Variants in RIC1 observed in about 807,000 individuals in gnomAD.
The protein encoded by RIC1 is RIC1 partner of RAB6A GEF complex.
In RIC1, 88 loss-of-function variants were observed where a neutral mutation model predicts 169.0. That is an observed-to-expected ratio of 0.52 (90% confidence interval 0.44 to 0.62). The LOEUF (loss-of-function observed/expected upper bound fraction) is 0.62, where lower values mean the gene tolerates loss of function less well. Ranked by LOEUF, RIC1 falls within the 20% of genes least tolerant of loss-of-function variation. RIC1 has a pLI of 0.00. For missense variants in RIC1, 1,877 were observed against 1,725.5 expected, an observed-to-expected ratio of 1.09 and a Z score of -1.56; for synonymous variants, 790 against 601.5, an observed-to-expected ratio of 1.31 and a Z score of -4.59.
At chr9:5,636,892 T>C (rs1472184405) in intron 1 of RIC1, among the ~76,000 whole-genome samples, 1 of 152,228 alleles carries the variant, frequency 6.6e-6, no homozygotes, top group East Asian at 1.9e-4. Flanking sequence ...GAAACTATCT[T>C]AATTTGTATT....
intron 1 of RIC1, among the ~76,000 whole-genome samples, chr9:5,646,849 G>T (rs1229594305): frequency 6.6e-6 from 1 of 151,958 alleles, no homozygotes; most frequent in Non-Finnish European, 1.5e-5. Flanking sequence ...TTTGTTGCCT[G>T]TGCTTTCAGT....
At chr9:5,748,319 T>C (rs1825512482) in intron 12 of RIC1, among the ~76,000 whole-genome samples, 1 of 152,188 alleles carries the variant, frequency 6.6e-6, no homozygotes, top group Admixed American at 6.5e-5. Context: ...TTTACCCTAC[T>C]AGCCTACTTC....
At position 5,678,866 on chromosome 9, in the gene RIC1, A is replaced by G. The variant is rs1386375333; in HGVS notation, c.253-11093A>G. Among the ~76,000 whole-genome samples the G allele has an allele frequency of 5.9e-5, 9 of 151,824 alleles. No homozygotes were observed. The East Asian group carries it at 1.5e-3, about 26-fold the overall frequency. On this transcript the variant is annotated intron_variant, in intron 2 of 25. Coordinates refer to ENST00000414202, the MANE Select transcript of RIC1 (RefSeq NM_020829.4). ...TAGTTGAATTAGATCCCATTTGTCA[A>G]TTTTGGCTTTTGTTGCCATTGCTTT...
intron 6 of RIC1, among the ~76,000 whole-genome samples, chr9:5,729,188 T>C (rs1824201279): frequency 1.3e-5 from 2 of 152,168 alleles, no homozygotes; most frequent in African/African-American, 2.4e-5. Context: ...CTATCCCTGT[T>C]TTCAGTGTGG....
chr9:5,750,885 A>G (rs1825683660), intron 12 of RIC1, among the ~76,000 whole-genome samples: 1 of 151,850 alleles, frequency 6.6e-6, no homozygotes. Context: ...TACTGGAGAA[A>G]ATACATAGTA....
At chr9:5,675,270 G>A (rs1362687856) in intron 2 of RIC1, among the ~76,000 whole-genome samples, 3 of 152,152 alleles carry the variant, frequency 2.0e-5, no homozygotes, top group Admixed American at 2.0e-4. Flanking sequence ...TCAGGGTGGA[G>A]AATGAGCAGG....
chr9:5,644,116 G>A (rs1226995300), intron 1 of RIC1, among the ~76,000 whole-genome samples: 6 of 152,154 alleles, frequency 3.9e-5, no homozygotes, highest in African/African-American at 1.4e-4. Context: ...ACATCTAAGT[G>A]TACATTGATT....
intron 2 of RIC1, among the ~76,000 whole-genome samples, chr9:5,663,888 C>T (rs946592428): frequency 6.6e-6 from 1 of 152,090 alleles, no homozygotes; most frequent in African/African-American, 2.4e-5. Context: ...TATGTGGTTC[C>T]TTCATAGTGT....
Position 5,720,702 on chromosome 9 carries a change from T to C in RIC1, c.672T>C (p.Asp224=), listed in dbSNP as rs145320271. 63 of 1,612,456 alleles carry C rather than the reference T, an allele frequency of 3.9e-5. No homozygotes were observed. The African/African-American group carries it at 7.6e-4, about 19-fold the overall frequency. The change falls in exon 6 of 26, where the codon GAT becomes GAC. Residue 224 remains aspartate (D), a synonymous_variant. Transcript: ENST00000414202. ...ATGGGTTTGCTGTTGTATTTAATGATGGTAAAGTTGGATTTATTACACCAG... is the reference window on the plus strand; with the variant it reads ...ATGGGTTTGCTGTTGTATTTAATGACGGTAAAGTTGGATTTATTACACCAG... ...TLDGFAVVFN[D]GKVGFITPVS... is the part of the protein sequence containing the mutation.
intron 2 of RIC1, among the ~76,000 whole-genome samples, chr9:5,665,608 T>C (rs987686715): frequency 2.0e-5 from 3 of 152,202 alleles, no homozygotes; most frequent in African/African-American, 7.2e-5. Flanking sequence ...GTTGCTGACC[T>C]TTGAATGGGG....
chr9:5,640,572 A>G (rs1818190561), intron 1 of RIC1, among the ~76,000 whole-genome samples: 1 of 152,294 alleles, frequency 6.6e-6, no homozygotes, highest in Non-Finnish European at 1.5e-5. Context: ...AATAAGAATC[A>G]TTGTTAGGTT....
At chr9:5,683,868 C>G (rs1304112435) in intron 2 of RIC1, among the ~76,000 whole-genome samples, 1 of 152,162 alleles carries the variant, frequency 6.6e-6, no homozygotes, top group Non-Finnish European at 1.5e-5. Context: ...CCCAGCCTCG[C>G]TGCCACCTTG....
At chr9:5,773,823 T>A (rs1827399363) in intron 25 of RIC1, 135 bp from the exon 26 acceptor site, 1 of 791,390 alleles carries the variant, frequency 1.3e-6, no homozygotes, top group Non-Finnish European at 1.9e-6. Flanking sequence ...CCTCCCTACC[T>A]TCTTTGCCTC....
At chr9:5,691,164 A>C (rs1185626171) in intron 3 of RIC1, among the ~76,000 whole-genome samples, 5 of 151,938 alleles carry the variant, frequency 3.3e-5, no homozygotes, top group African/African-American at 9.7e-5. Flanking sequence ...AAAATGTATA[A>C]ACTTAAGAAC....
chr9:5,689,330 T>G (rs138891425), intron 2 of RIC1, among the ~76,000 whole-genome samples: 1 of 152,060 alleles, frequency 6.6e-6, no homozygotes, highest in Non-Finnish European at 1.5e-5. Context: ...GGATTACAGG[T>G]GTGAGCCACC....
At chr9:5,726,471 G>T (rs145076363) in intron 6 of RIC1, among the ~76,000 whole-genome samples, 83 of 152,292 alleles carry the variant, frequency 5.5e-4, no homozygotes, top group African/African-American at 1.9e-3. Context: ...TAGGTCTCCA[G>T]AATACAGCAC....
At chr9:5,747,118 C>G (rs1554679390) in intron 11 of RIC1, among the ~76,000 whole-genome samples, 184 bp from the exon 12 acceptor site, 1 of 152,192 alleles carries the variant, frequency 6.6e-6, no homozygotes, top group Non-Finnish European at 1.5e-5. Context: ...ACTATTCTTT[C>G]TAATTATAAC....
At chr9:5,699,573 T>C (rs1463588705) in intron 3 of RIC1, among the ~76,000 whole-genome samples, 1 of 152,156 alleles carries the variant, frequency 6.6e-6, no homozygotes, top group African/African-American at 2.4e-5. Flanking sequence ...TAAAACTTTC[T>C]AGAGAGACAA....
chr9:5,736,043 A>C (rs1310358071), intron 7 of RIC1, among the ~76,000 whole-genome samples: 1 of 152,222 alleles, frequency 6.6e-6, no homozygotes, highest in Non-Finnish European at 1.5e-5. Flanking sequence ...GAATACAAGC[A>C]CTATAGAATA....
Sources: gnomAD v4.1 joint callset for allele counts (sites outside exome capture counted in the v4.1 genomes callset) on GRCh38, gnomAD v4.1.1 for gene constraint, MANE v1.5 for transcripts, NCBI Gene and HGNC (gene_info 2026-07-23, HGNC 2026-07-21) for gene names.